The following TRPM1 variants were observed in gnomAD, a reference collection of about 807,000 sequenced individuals.
TRPM1 encodes the protein transient receptor potential cation channel subfamily M member 1.
A neutral mutation model predicts 149.4 loss-of-function variants in TRPM1; 113 were observed. That is an observed-to-expected ratio of 0.76 (90% CI 0.65 to 0.88). The LOEUF (loss-of-function observed/expected upper bound fraction) is 0.88, where lower values mean the gene tolerates loss of function less well. TRPM1 is among the 40% of genes least tolerant of loss of function. TRPM1 has a pLI of 0.00. For synonymous variants in TRPM1, 741 were observed against 759.5 expected, an observed-to-expected ratio of 0.98 and a Z score of 0.40; for missense variants, 1,976 against 2,038.7, an observed-to-expected ratio of 0.97 and a Z score of 0.59.
intron 11 of TRPM1, among the ~76,000 whole-genome samples, chr15:31,058,936 T>A (rs1001668570): frequency 8.6e-5 from 13 of 151,658 alleles, no homozygotes; most frequent in South Asian, 2.1e-4. Flanking sequence ...GCAAAAAAAA[T>A]TTAGCTGGGT....
chr15:31,156,146 G>A (rs542669800), intron 1 of TRPM1, among the ~76,000 whole-genome samples: 7 of 134,810 alleles, frequency 5.2e-5, no homozygotes, highest in African/African-American at 1.4e-4. Flanking sequence ...GTAGTGAGTC[G>A]AGATTGTACC....
intron 1 of TRPM1, among the ~76,000 whole-genome samples, chr15:31,119,496 G>A (rs548998666): frequency 6.5e-4 from 99 of 152,164 alleles, no homozygotes; most frequent in Non-Finnish European, 1.2e-3. Flanking sequence ...TCTACTTTGT[G>A]AAAAATGCTA....
chr15:31,025,179 G>A (rs1016372517), intron 27 of TRPM1, among the ~76,000 whole-genome samples: 4 of 152,200 alleles, frequency 2.6e-5, no homozygotes, highest in African/African-American at 9.7e-5. Context: ...TGTACTCAAG[G>A]ATAGAAAGCA....
chr15:31,115,608 A>G (rs1388127439), intron 1 of TRPM1, among the ~76,000 whole-genome samples: 4 of 151,986 alleles, frequency 2.6e-5, no homozygotes, highest in Admixed American at 2.0e-4. Context: ...TACCCCTCAC[A>G]CTTTTGTGAG....
intron 1 of TRPM1, among the ~76,000 whole-genome samples, chr15:31,096,822 C>G (rs1391140663): frequency 6.6e-6 from 1 of 152,230 alleles, no homozygotes; most frequent in African/African-American, 2.4e-5. Context: ...CACCAGAGTG[C>G]TCAGGCACTA....
At position 31,037,890 on chromosome 15, in the gene TRPM1, A is replaced by C. The variant is rs756140119; in HGVS notation, c.2440-48T>G. Reference sequence around the variant, plus strand: ...TGACAGGCAGGTGGCTAAATGGGAAATGCAAGGCACTCCGGCACACAGGCA... The same window carrying C: ...TGACAGGCAGGTGGCTAAATGGGAACTGCAAGGCACTCCGGCACACAGGCA... On this transcript the variant is annotated intron_variant, in intron 19 of 27. Transcript: ENST00000256552. The C allele has an allele frequency of 4.3e-6, 7 of 1,613,898 alleles. No homozygotes were observed. In the South Asian group the frequency reaches 7.7e-5, roughly 18 times the overall value.
chr15:31,128,994 G>C (rs2035985553), intron 1 of TRPM1, among the ~76,000 whole-genome samples: 1 of 152,254 alleles, frequency 6.6e-6, no homozygotes, highest in African/African-American at 2.4e-5. Context: ...AGTGCTGATG[G>C]CCACATGCCA....
At chr15:31,029,956 G>A (rs538792025) in intron 23 of TRPM1, among the ~76,000 whole-genome samples, 24 of 151,988 alleles carry the variant, frequency 1.6e-4, no homozygotes, top group East Asian at 3.9e-4. Flanking sequence ...AACTTTTAAC[G>A]TGTATGTATA....
At chr15:31,151,165 G>A (rs1257321570) in intron 1 of TRPM1, among the ~76,000 whole-genome samples, 1 of 152,072 alleles carries the variant, frequency 6.6e-6, no homozygotes, top group Non-Finnish European at 1.5e-5. Context: ...TGTTGATCCT[G>A]AGACAAAAAA....
chr15:31,038,274 G>A, intron 18 of TRPM1, 108 bp from the exon 19 acceptor site: 2 of 1,275,408 alleles, frequency 1.6e-6, no homozygotes, highest in Non-Finnish European at 2.2e-6. Context: ...TAACCTAGGA[G>A]CCCTGGAATG....
intron 11 of TRPM1, 96 bp downstream of exon 11, chr15:31,060,448 A>G: frequency 9.8e-7 from 1 of 1,019,252 alleles, no homozygotes; most frequent in Non-Finnish European, 1.5e-6. Flanking sequence ...AACCCCACAT[A>G]ATTTCCTGAA....
chr15:31,031,966 C>T (rs957773570), intron 22 of TRPM1, among the ~76,000 whole-genome samples: 12 of 150,576 alleles, frequency 8.0e-5, no homozygotes, highest in African/African-American at 1.2e-4. Context: ...CCTTTGTCTC[C>T]GGCTTCTACC....
Position 31,062,829 on chromosome 15 carries a change from A to G in TRPM1, c.966-127T>C, listed in dbSNP as rs1314398299. Reference sequence around the variant, plus strand: ...GGATATCCTGACACAGGAGACAAAAAGTAACCATAGTCAAACATCGTATTC... The same window carrying G: ...GGATATCCTGACACAGGAGACAAAAGGTAACCATAGTCAAACATCGTATTC... On this transcript the variant is annotated intron_variant, in intron 8 of 27. Transcript: ENST00000256552. The G allele has an allele frequency of 4.4e-6, 5 of 1,143,302 alleles. No individual in the cohort carries two copies. In the Admixed American group the frequency reaches 9.4e-5, roughly 22 times the overall value. 70.8% of individuals were successfully genotyped at this position (1,143,302 alleles called of 1,614,324 possible). A position where few individuals can be genotyped will look rare whatever the true frequency, so the allele number is the denominator to read the frequency against.
intron 1 of TRPM1, among the ~76,000 whole-genome samples, chr15:31,106,752 C>A (rs541133403): frequency 3.9e-5 from 6 of 152,306 alleles, no homozygotes; most frequent in African/African-American, 1.4e-4. Flanking sequence ...AGTCTTGCCA[C>A]ATGTCCTTTT....
At chr15:31,122,440 G>T (rs1314514118) in intron 1 of TRPM1, among the ~76,000 whole-genome samples, 1 of 152,120 alleles carries the variant, frequency 6.6e-6, no homozygotes, top group Non-Finnish European at 1.5e-5. Context: ...AAATTCCAAA[G>T]AATCAACCAA....
At position 31,026,255 on chromosome 15, in the gene TRPM1, G is replaced by T; in HGVS notation, c.3513C>A (p.Asp1171Glu). Reference sequence around the variant, plus strand: ...ACTCATGCAGCCTCTTTAGCTCCTCGTCGCTAAGGAAGAGCTCTGTGTGAA... The same window carrying T: ...ACTCATGCAGCCTCTTTAGCTCCTCTTCGCTAAGGAAGAGCTCTGTGTGAA... Reference protein sequence around the residue: ...RDRGLKLFLSDEELKRLHEFE... With the variant: ...RDRGLKLFLSEEELKRLHEFE... The change falls in exon 27 of 28, where the codon GAC becomes GAA. Residue 1171 changes from aspartate (D) to glutamate (E), a missense_variant. Transcript: ENST00000256552. The T allele has an allele frequency of 6.2e-7, 1 of 1,611,284 alleles. No homozygotes were observed.
chr15:31,116,760 A>G (rs2035802771), intron 1 of TRPM1, among the ~76,000 whole-genome samples: 1 of 151,312 alleles, frequency 6.6e-6, no homozygotes, highest in African/African-American at 2.5e-5. Context: ...CCCAAAGATA[A>G]CAGAGAGAGA....
chr15:31,136,749 C>CTTTTTT lies in TRPM1; in HGVS notation c.54+24151_54+24156dup, dbSNP rs60370849. Among the ~76,000 whole-genome samples the CTTTTTT allele has an allele frequency of 4.9e-3, 675 of 137,800 alleles. 14 individuals carry two copies. Among genetic ancestry groups the CTTTTTT allele is most frequent in the African/African-American group, 0.015 (555 of 37,358 alleles). The allele number at this position is 137,800 out of a possible 152,430, so 90.4% of individuals were successfully genotyped here. On this transcript the variant is annotated intron_variant, in intron 1 of 26. Transcript: ENST00000542188. ...TCTGCTTTCCTCAGCCGCCCCCACCCTTTTTTTTTTTTTTGCCTATAAAGC... is the reference window on the plus strand; with the variant it reads ...TCTGCTTTCCTCAGCCGCCCCCACCCTTTTTTTTTTTTTTTTTTTTGCCTATAAAGC...
At chr15:31,151,565 TG>T (rs1387403147) in intron 1 of TRPM1, among the ~76,000 whole-genome samples, 1 of 152,206 alleles carries the variant, frequency 6.6e-6, no homozygotes, top group Non-Finnish European at 1.5e-5. Flanking sequence ...GGCAATTCAG[TG>T]GGCATGGGGT....
Sources: allele counts gnomAD v4.1 joint callset (sites outside exome capture counted in the v4.1 genomes callset), GRCh38; gene constraint gnomAD v4.1.1; transcripts MANE v1.5; gene names NCBI Gene and HGNC (gene_info 2026-07-23, HGNC 2026-07-21).